DIDO1: variants seen among roughly 807,000 people sequenced by gnomAD.
DIDO1 encodes the protein death-inducer obliterator 1.
DIDO1 carries 16 observed loss-of-function variants against 99.4 expected under a neutral mutation model. The ratio of observed to expected loss-of-function variants is 0.16; its 90% CI spans 0.11 to 0.24. The LOEUF (loss-of-function observed/expected upper bound fraction) is 0.24. Among genes scored for constraint, DIDO1 ranks in the 10% least tolerant of loss-of-function variants. The pLI is 1.00. For missense variants in DIDO1, 2,996 were observed against 3,014.0 expected (o/e 0.99, Z 0.14); for synonymous variants, 1,366 against 1,239.1 (o/e 1.10, Z -2.15).
At chr20:62,928,074 A>C (rs567382769), upstream of DIDO1, among the ~76,000 whole-genome samples, 4 of 152,324 alleles carry the variant, frequency 2.6e-5, no homozygotes, top group South Asian at 2.1e-4. Context: ...GGCTCTCTCT[A>C]AATCCAACTG....
rs6011441 is a variant in DIDO1, at chr20:62,882,297, G to A, written c.3659C>T (p.Pro1220Leu). ...KMDEKRTRLQ[P>L]EEADVPAYPK... ...ATAGGCCGGAACGTCCGCTTCTTCC[G>A]GTTGAAGTCGGGTCCGCTTTTCGTC... Residue 1220 changes from proline to leucine, a missense_variant, in exon 16 of 16, where the codon CCG becomes CTG. Coordinates refer to ENST00000395343, the MANE Select transcript of DIDO1 (RefSeq NM_001193369.2). 2,007 of 1,613,882 alleles carry A rather than the reference G, an allele frequency of 1.2e-3. 4 individuals carry two copies. The highest frequency in any genetic ancestry group is 2.7e-3 in the Admixed American group (162 of 60,018).
intron 1 of DIDO1, 111 bp downstream of exon 1, chr20:62,926,328 C>T (rs1023627311): frequency 6.6e-6 from 1 of 151,698 alleles, no homozygotes; most frequent in Non-Finnish European, 1.5e-5. Flanking sequence ...TGTGCGGGAT[C>T]CGCGGCTCTC....
intron 6 of DIDO1, among the ~76,000 whole-genome samples, chr20:62,899,523 G>A (rs1219888870): frequency 6.6e-6 from 1 of 152,214 alleles, no homozygotes; most frequent in Non-Finnish European, 1.5e-5. Flanking sequence ...GGGAAAACCC[G>A]AGTTGAGAGA....
At chr20:62,929,902 C>G (rs2065314509), upstream of DIDO1, among the ~76,000 whole-genome samples, 1 of 151,768 alleles carries the variant, frequency 6.6e-6, no homozygotes, top group Non-Finnish European at 1.5e-5. Context: ...CCCCTCAAAG[C>G]AAACACGAAA....
chr20:62,902,945 A>G (rs1238541597), intron 6 of DIDO1, among the ~76,000 whole-genome samples: 3 of 152,012 alleles, frequency 2.0e-5, no homozygotes, highest in African/African-American at 7.2e-5. Flanking sequence ...CAAAATTTTG[A>G]GAATTCCATC....
At chr20:62,905,007 G>A in intron 6 of DIDO1, 3 of 988,698 alleles carry the variant, frequency 3.0e-6, no homozygotes, top group Non-Finnish European at 3.6e-6. Flanking sequence ...ATTAAAGACT[G>A]AATTGAAAAT....
At chr20:62,931,078 C>T (rs1234967367), upstream of DIDO1, among the ~76,000 whole-genome samples, 2 of 152,146 alleles carry the variant, frequency 1.3e-5, no homozygotes, top group African/African-American at 4.8e-5. Flanking sequence ...GTAGCTGGGA[C>T]TACAGGTGCA....
rs1168030217 is a variant in DIDO1 at position 62,905,989 on chromosome 20, C to T, written c.1486G>A (p.Ala496Thr). ...PARSEALGKEAACESSTPSWA... is the reference protein window; with the variant it reads ...PARSEALGKETACESSTPSWA... ...GACGGCGTGCTGCTCTCACAAGCTGCTTCCTTCCCGAGTGCTTCACTCCGC... is the reference window on the plus strand; with the variant it reads ...GACGGCGTGCTGCTCTCACAAGCTGTTTCCTTCCCGAGTGCTTCACTCCGC... Residue 496 changes from alanine (A) to threonine (T), a missense_variant, in exon 6 of 16, where the codon GCA (alanine) becomes ACA (threonine). Ala to Thr is a moderately conservative substitution (Grantham distance 58). Coordinates refer to ENST00000395343, the MANE Select transcript of DIDO1 (RefSeq NM_001193369.2). The T allele has an allele frequency of 6.2e-7, 1 of 1,614,080 alleles. No individual in the cohort carries two copies. Among genetic ancestry groups the T allele is most frequent in the South Asian group, 1.1e-5 (1 of 91,080 alleles).
At chr20:62,917,447 C>T (rs1284061472) in intron 1 of DIDO1, among the ~76,000 whole-genome samples, 1 of 152,162 alleles carries the variant, frequency 6.6e-6, no homozygotes, top group African/African-American at 2.4e-5. Context: ...CAAATTTTAT[C>T]CTTAGCAACA....
chr20:62,917,707 C>T (rs775700247), intron 1 of DIDO1, among the ~76,000 whole-genome samples: 1 of 152,068 alleles, frequency 6.6e-6, no homozygotes, highest in South Asian at 2.1e-4. Flanking sequence ...TTGCGGGTTC[C>T]GAAAAAAATT....
Position 62,909,829 on chromosome 20 carries a change from T to C in DIDO1, c.1031A>G (p.Asp344Gly). 2 of 1,614,220 alleles carry C rather than the reference T, an allele frequency of 1.2e-6. No individual in the cohort carries two copies. Among genetic ancestry groups the C allele is most frequent in the Non-Finnish European group, 1.7e-6 (2 of 1,180,034 alleles). The change falls in exon 4 of 16, where the codon GAT (aspartate) becomes GGT (glycine). Residue 344 changes from aspartate (D) to glycine (G), a missense_variant. Asp to Gly is a moderately conservative substitution (Grantham distance 94). This residue lies in a region of DIDO1 where 898 missense variants were observed against 972.7 expected (regional missense o/e 0.92). Coordinates refer to ENST00000395343, the MANE Select transcript of DIDO1 (RefSeq NM_001193369.2). ...DQQEAKWRPG[D>G]ADGTDCTSIG... Reference sequence around the variant, plus strand: ...ACTTGTACAATCGGTGCCATCAGCATCTCCAGGTCTCCATTTAGCTTCCTG... The same window carrying C: ...ACTTGTACAATCGGTGCCATCAGCACCTCCAGGTCTCCATTTAGCTTCCTG...
rs767294602 is a variant in DIDO1 at position 62,882,211 on chromosome 20, C to T, written c.3745G>A (p.Ala1249Thr). The T allele has an allele frequency of 6.2e-7, 1 of 1,613,700 alleles. No homozygotes were observed. The highest frequency in any genetic ancestry group is 8.5e-7 in the Non-Finnish European group (1 of 1,180,042). Residue 1249 changes from alanine (A) to threonine (T), a missense_variant, in exon 16 of 16, where the codon GCA becomes ACA. By Grantham distance (58) the Ala-to-Thr change is moderately conservative. Coordinates refer to ENST00000395343, the MANE Select transcript of DIDO1 (RefSeq NM_001193369.2). ...GGTGTGGTGCTGACAGCCGCGTCTG[C>T]AGAGCAGAGTGGATACTTGGAGGGC... ...KKPSKYPLCS[A>T]DAAVSTTPPG... is the part of the protein sequence containing the mutation.
intron 1 of DIDO1, 30 bp downstream of exon 1, chr20:62,926,409 C>T (rs561830117): frequency 6.6e-6 from 1 of 151,318 alleles, no homozygotes; most frequent in Non-Finnish European, 1.5e-5. Flanking sequence ...GCTCTTCTAC[C>T]CGGCGCCCGG....
intron 6 of DIDO1, chr20:62,905,387 G>A: frequency 2.1e-6 from 3 of 1,456,638 alleles, no homozygotes; most frequent in Non-Finnish European, 1.8e-6. Context: ...ATGTACACCT[G>A]AAAATCAGAT....
intron 6 of DIDO1, among the ~76,000 whole-genome samples, chr20:62,900,665 A>G (rs1310871484): frequency 6.6e-6 from 1 of 152,232 alleles, no homozygotes; most frequent in African/African-American, 2.4e-5. Flanking sequence ...GGAACTGGTT[A>G]TAAAAATCAC....
Position 62,879,362 on chromosome 20 carries a change from G to T in DIDO1, c.6594C>A (p.Asp2198Glu). 6.5e-7 allele frequency: 1 copy of T among 1,549,066 alleles called. No individual in the cohort carries two copies. Among genetic ancestry groups the T allele is most frequent in the South Asian group, 1.2e-5 (1 of 84,868 alleles). The change falls in exon 16 of 16, where the codon GAC becomes GAA. Residue 2198 changes from aspartate to glutamate, a missense_variant. Physicochemically the swap from Asp to Glu is conservative, Grantham distance 45 (BLOSUM62 2). Transcript: ENST00000395343. The surrounding 1 kb of genome is among the most constrained non-coding windows in gnomAD (Gnocchi z 6.3). ...DRDRSRSRERDRDKARDRERG... is the reference protein window; with the variant it reads ...DRDRSRSRERERDKARDRERG... Reference sequence around the variant, plus strand: ...GCTCCCTGTCCCTGGCCTTGTCTCGGTCCCGCTCTCTGCTCCGGGACCGGT... The same window carrying T: ...GCTCCCTGTCCCTGGCCTTGTCTCGTTCCCGCTCTCTGCTCCGGGACCGGT...
intron 6 of DIDO1, among the ~76,000 whole-genome samples, chr20:62,899,220 A>G (rs1427886290): frequency 6.6e-6 from 1 of 152,246 alleles, no homozygotes; most frequent in Non-Finnish European, 1.5e-5. Context: ...TGACTGCACT[A>G]GAAACCTTGG....
intron 13 of DIDO1, 49 bp from the exon 14 acceptor site, chr20:62,892,125 A>G: frequency 6.6e-7 from 1 of 1,524,478 alleles, no homozygotes; most frequent in Non-Finnish European, 9.0e-7. Flanking sequence ...TAGTAGTCAC[A>G]GAAAGACGAA....
chr20:62,894,018 C>T lies in DIDO1; in HGVS notation c.2749G>A (p.Glu917Lys). The T allele has an allele frequency of 6.2e-7, 1 of 1,614,222 alleles. No homozygotes were observed. The highest frequency in any genetic ancestry group is 8.5e-7 in the Non-Finnish European group (1 of 1,180,050). Reference sequence around the variant, plus strand: ...TCCACATTTGGATGAGAAGCACTTTCTAGGCCTGGCTCAGAGGCAACTTCA... The same window carrying T: ...TCCACATTTGGATGAGAAGCACTTTTTAGGCCTGGCTCAGAGGCAACTTCA... ...VPEVASEPGL[E>K]SASHPNVDRT... is the part of the protein sequence containing the mutation. The change falls in exon 12 of 16, where the codon GAA (glutamate) becomes AAA (lysine). Residue 917 changes from glutamate (E) to lysine (K), a missense_variant. Physicochemically the swap from Glu to Lys is moderately conservative, Grantham distance 56 (BLOSUM62 1). Transcript: ENST00000395343. The surrounding 1 kb of genome is among the most constrained non-coding windows in gnomAD (Gnocchi z 4.4).
Sources: gnomAD v4.1 joint callset for allele counts (sites outside exome capture counted in the v4.1 genomes callset) on GRCh38, gnomAD v4.1.1 for gene constraint, gnomAD v4.1.1 regional missense constraint, Gnocchi (gnomAD v3.1) non-coding constraint, MANE v1.5 for transcripts, NCBI Gene and HGNC (gene_info 2026-07-23, HGNC 2026-07-21) for gene names.